Variants in CCDC192 observed in about 807,000 individuals in gnomAD.
CCDC192 encodes the protein coiled-coil domain-containing protein 192.
chr5:127,842,333 C>G (rs1750327463), intron 5 of CCDC192, among the ~76,000 whole-genome samples: 1 of 152,170 alleles, frequency 6.6e-6, no homozygotes, highest in African/African-American at 2.4e-5. Flanking sequence ...TCCTAGGAGC[C>G]TCAGCCTCGA....
At chr5:127,876,304 A>G (rs1442765495) in intron 6 of CCDC192, among the ~76,000 whole-genome samples, 2 of 152,166 alleles carry the variant, frequency 1.3e-5, no homozygotes, top group African/African-American at 2.4e-5. Context: ...ATACTAGTTA[A>G]CAATTAATAC....
intron 3 of CCDC192, among the ~76,000 whole-genome samples, chr5:127,767,862 C>T (rs1377857181): frequency 3.9e-5 from 6 of 152,184 alleles, no homozygotes; most frequent in South Asian, 2.1e-4. Flanking sequence ...TGGATTAAAT[C>T]GTATGTCAGC....
intron 5 of CCDC192, among the ~76,000 whole-genome samples, chr5:127,812,335 G>GGAATAATGGTA (rs1248869188): frequency 2.0e-5 from 3 of 152,120 alleles, no homozygotes; most frequent in African/African-American, 7.2e-5. Context: ...TCTGTAAAAT[G>GGAATAATGGTA]GAATAATGGT....
intron 2 of CCDC192, among the ~76,000 whole-genome samples, chr5:127,744,818 ACTT>A (rs1753644109): frequency 6.6e-6 from 1 of 152,210 alleles, no homozygotes; most frequent in Admixed American, 6.5e-5. Context: ...TTTATTGAGC[ACTT>A]CTTCTGTCAA....
At chr5:127,900,156 T>C (rs995022882) in intron 6 of CCDC192, among the ~76,000 whole-genome samples, 1 of 152,214 alleles carries the variant, frequency 6.6e-6, no homozygotes, top group African/African-American at 2.4e-5. Context: ...GGGCTATGCC[T>C]CAGTTTTCTC....
At chr5:127,851,375 GAATATCAACTATTTATGATATTT>G (rs1750788954) in intron 5 of CCDC192, among the ~76,000 whole-genome samples, 1 of 152,044 alleles carries the variant, frequency 6.6e-6, no homozygotes, top group Non-Finnish European at 1.5e-5. Context: ...AGGAATCTTG[GAATATCAACTATTTATGATATTT>G]AATATCAACT....
chr5:127,718,437 A>G lies in CCDC192; in HGVS notation c.114+10677A>G, dbSNP rs1176768238. ...TTTTTTTCTCCATTTGGCTCCTTCAAATGGCAAAAAGTTCCTAACAACTGG... is the reference window on the plus strand; with the variant it reads ...TTTTTTTCTCCATTTGGCTCCTTCAGATGGCAAAAAGTTCCTAACAACTGG... On this transcript the variant is annotated intron_variant, in intron 2 of 6. Transcript: ENST00000514853. 2.6e-5 allele frequency among the ~76,000 whole-genome samples: 4 copies of G among 152,212 alleles called. No homozygotes were observed. The South Asian group carries it at 6.2e-4, about 24-fold the overall frequency.
chr5:127,864,832 G>A (rs1331254191), intron 5 of CCDC192, among the ~76,000 whole-genome samples: 3 of 152,080 alleles, frequency 2.0e-5, no homozygotes, highest in Non-Finnish European at 2.9e-5. Flanking sequence ...TTAAACTTAT[G>A]TTCTAAGGAC....
intron 5 of CCDC192, among the ~76,000 whole-genome samples, chr5:127,849,803 C>G (rs1750718940): frequency 3.9e-5 from 6 of 152,164 alleles, no homozygotes; most frequent in Admixed American, 3.9e-4. Flanking sequence ...ACTTACAGCT[C>G]AGGATCCAGC....
intron 2 of CCDC192, among the ~76,000 whole-genome samples, chr5:127,724,798 G>A (rs1462141976): frequency 2.7e-5 from 4 of 146,396 alleles, no homozygotes; most frequent in South Asian, 2.1e-4. Context: ...GCAGTGAGCC[G>A]AGATAGTGCT....
intron 2 of CCDC192, among the ~76,000 whole-genome samples, chr5:127,718,858 G>T (rs943294214): frequency 6.6e-6 from 1 of 151,758 alleles, no homozygotes; most frequent in East Asian, 1.9e-4. Flanking sequence ...AGGATAAATG[G>T]GTACCCATCA....
intron 2 of CCDC192, among the ~76,000 whole-genome samples, chr5:127,713,540 T>C (rs1226459226): frequency 6.6e-6 from 1 of 152,216 alleles, no homozygotes; most frequent in African/African-American, 2.4e-5. Context: ...TGTCTGTAGA[T>C]GAACAGAAGT....
At chr5:127,927,551 C>T (rs771742147) in intron 6 of CCDC192, among the ~76,000 whole-genome samples, 2 of 152,042 alleles carry the variant, frequency 1.3e-5, no homozygotes, top group Non-Finnish European at 2.9e-5. Flanking sequence ...GCTGAAAAGG[C>T]ATTAAGTAGC....
In CCDC192 at chr5:127,917,712, A is replaced by C. The variant is rs537285231; in HGVS notation, c.536-23470A>C. ...GTGCAGTTCATGGCACCCCAAAACA[A>C]TTACAACGGTAACATCAAAGATCAT... On this transcript the variant is annotated intron_variant, in intron 6 of 6. Coordinates refer to ENST00000514853, the MANE Select transcript of CCDC192 (RefSeq NM_001317938.2). Among the ~76,000 whole-genome samples, 319 of 152,300 alleles carry C rather than the reference A, an allele frequency of 2.1e-3. 4 individuals are homozygous for C. In the South Asian group the frequency reaches 0.023, roughly 11 times the overall value.
intron 5 of CCDC192, among the ~76,000 whole-genome samples, chr5:127,831,429 A>G (rs1193364832): frequency 6.6e-6 from 1 of 151,946 alleles, no homozygotes; most frequent in Non-Finnish European, 1.5e-5. Context: ...CAGTCATTGA[A>G]TTAACAACCC....
intron 6 of CCDC192, among the ~76,000 whole-genome samples, chr5:127,880,373 A>G (rs1291701628): frequency 2.7e-5 from 4 of 148,282 alleles, no homozygotes; most frequent in African/African-American, 9.9e-5. Flanking sequence ...AACACTGCAT[A>G]TTCTCACTCA....
At chr5:127,710,656 A>G (rs1240836189) in intron 2 of CCDC192, among the ~76,000 whole-genome samples, 1 of 152,182 alleles carries the variant, frequency 6.6e-6, no homozygotes, top group Non-Finnish European at 1.5e-5. Context: ...GTAGCAGGTG[A>G]TTGAAATTCC....
chr5:127,776,254 G>T (rs1755850746), intron 3 of CCDC192, among the ~76,000 whole-genome samples: 1 of 148,456 alleles, frequency 6.7e-6, no homozygotes, highest in African/African-American at 2.6e-5. Context: ...TGAGAAACTT[G>T]CTGGGAACTT....
intron 6 of CCDC192, among the ~76,000 whole-genome samples, chr5:127,903,097 T>C (rs1415505471): frequency 6.6e-6 from 1 of 152,146 alleles, no homozygotes; most frequent in Non-Finnish European, 1.5e-5. Flanking sequence ...GGTTCAACTT[T>C]CCGGCATGCT....
Sources: allele counts gnomAD v4.1 joint callset (sites outside exome capture counted in the v4.1 genomes callset), GRCh38; gene constraint gnomAD v4.1.1; transcripts MANE v1.5; gene names NCBI Gene and HGNC (gene_info 2026-07-23, HGNC 2026-07-21).